VPS13C: variants seen among roughly 807,000 people sequenced by gnomAD.
VPS13C encodes the protein intermembrane lipid transfer protein VPS13C.
In VPS13C, 358 loss-of-function variants were observed where a neutral mutation model predicts 456.8. The ratio of observed to expected loss-of-function variants is 0.78; its 90% CI spans 0.72 to 0.86. The LOEUF (loss-of-function observed/expected upper bound fraction) is 0.86, where lower values mean the gene tolerates loss of function less well. VPS13C is among the 40% of genes least tolerant of loss of function. The pLI is 0.00. For missense variants in VPS13C, 4,818 were observed against 4,385.4 expected (o/e 1.10, Z -2.79); for synonymous variants, 1,578 against 1,486.7 (o/e 1.06, Z -1.41).
chr15:61,893,423 A>G (rs928383889), intron 66 of VPS13C, among the ~76,000 whole-genome samples: 2 of 152,160 alleles, frequency 1.3e-5, no homozygotes, highest in Non-Finnish European at 2.9e-5. Context: ...TAAAGTTTTT[A>G]TCAGATGAAC....
chr15:61,928,893 T>C (rs770073325), intron 51 of VPS13C, among the ~76,000 whole-genome samples: 1 of 146,984 alleles, frequency 6.8e-6, no homozygotes, highest in African/African-American at 2.5e-5. Flanking sequence ...CGAAAAAAAT[T>C]TTAAAAAAAA....
At chr15:62,002,192 C>T (rs1049398594) in intron 15 of VPS13C, among the ~76,000 whole-genome samples, 4 of 152,160 alleles carry the variant, frequency 2.6e-5, no homozygotes, top group African/African-American at 9.7e-5. Flanking sequence ...TGTTTCCTGA[C>T]GTTTTAATGA....
At chr15:62,035,925 CA>C (rs2047982436) in intron 3 of VPS13C, among the ~76,000 whole-genome samples, 1 of 151,902 alleles carries the variant, frequency 6.6e-6, no homozygotes, top group African/African-American at 2.4e-5. Flanking sequence ...AAGAGAAGAC[CA>C]AAAGGGCATG....
chr15:62,053,913 T>C (rs919803035), intron 1 of VPS13C, among the ~76,000 whole-genome samples: 7 of 152,196 alleles, frequency 4.6e-5, no homozygotes, highest in African/African-American at 1.7e-4. Flanking sequence ...TTGGCTTCTA[T>C]TCCTGGTCAC....
chr15:61,901,925 T>C (rs1439906379), intron 66 of VPS13C, among the ~76,000 whole-genome samples: 1 of 152,048 alleles, frequency 6.6e-6, no homozygotes, highest in Admixed American at 6.5e-5. Context: ...TGAAATACTA[T>C]GCAGCCATAA....
intron 46 of VPS13C, 134 bp from the exon 47 acceptor site, chr15:61,940,928 C>T: frequency 3.5e-6 from 3 of 866,998 alleles, no homozygotes; most frequent in Non-Finnish European, 5.0e-6. Context: ...TTAGAATACA[C>T]TTCTTTTCAC....
chr15:61,997,985 T>C (rs1001958254), intron 16 of VPS13C, among the ~76,000 whole-genome samples: 2 of 152,164 alleles, frequency 1.3e-5, no homozygotes, highest in African/African-American at 2.4e-5. Context: ...GCTTGTAAGA[T>C]GCTACACAAT....
intron 13 of VPS13C, 89 bp downstream of exon 13, chr15:62,010,383 C>T: frequency 1.5e-6 from 2 of 1,327,724 alleles, no homozygotes; most frequent in South Asian, 5.0e-5. Flanking sequence ...CCCCAAAAAA[C>T]CACCAACCAC....
intron 8 of VPS13C, among the ~76,000 whole-genome samples, chr15:62,022,794 T>G (rs1336172971): frequency 6.6e-6 from 1 of 151,996 alleles, no homozygotes. Context: ...CTTACATGTT[T>G]CAAACTTTTA....
Position 61,867,434 on chromosome 15 carries a change from T to TTAA in VPS13C, c.10863+1224_10863+1225insTTA, listed in dbSNP as rs932964846. The TTAA allele has an allele frequency of 6.2e-5, 61 of 986,536 alleles. No homozygotes were observed. Among genetic ancestry groups the TTAA allele is most frequent in the African/African-American group, 1.2e-4 (7 of 57,334 alleles). The allele number at this position is 986,536 out of a possible 1,614,324, so 61.1% of individuals were successfully genotyped here. On this transcript the variant is annotated intron_variant, in intron 81 of 84. Coordinates refer to ENST00000644861, the MANE Select transcript of VPS13C (RefSeq NM_020821.3). The surrounding 1 kb of genome is among the most constrained non-coding windows in gnomAD (Gnocchi z 5.0). ...GGCTCAGAGCAACTGACAATTCAAT[T>TTAA]ATTAAAGCAGATGCTCCAGGTAATA...
At chr15:61,868,903 G>A (rs1366959494) in intron 80 of VPS13C, 130 bp from the exon 81 acceptor site, 11 of 754,428 alleles carry the variant, frequency 1.5e-5, no homozygotes, top group African/African-American at 5.4e-5. Context: ...CCCAAATAAT[G>A]CAAAAGTATT....
chr15:61,932,389 T>C lies in VPS13C; in HGVS notation c.5869-1130A>G, dbSNP rs117437945. On this transcript the variant is annotated intron_variant, in intron 49 of 84. Transcript: ENST00000644861. ...GATTAAAGAATGGTAGGGAAAAAAC[T>C]AGAAAGAAATACAGAGGCCTAATCG... 7.3e-3 allele frequency among the ~76,000 whole-genome samples: 1,113 copies of C among 152,202 alleles called. 29 individuals carry two copies. Among genetic ancestry groups the C allele is most frequent in the East Asian group, 0.07 (363 of 5,182 alleles).
chr15:61,928,993 T>G (rs1217559624), intron 51 of VPS13C, among the ~76,000 whole-genome samples: 1 of 152,024 alleles, frequency 6.6e-6, no homozygotes, highest in Non-Finnish European at 1.5e-5. Context: ...TACTGGATAA[T>G]GCTGGAATAA....
At position 61,917,352 on chromosome 15, in the gene VPS13C, A is replaced by G; in HGVS notation, c.8044T>C (p.Tyr2682His). 1 of 1,613,164 alleles carries G rather than the reference A, an allele frequency of 6.2e-7. No individual in the cohort carries two copies. The highest frequency in any genetic ancestry group is 8.5e-7 in the Non-Finnish European group (1 of 1,179,210). ...TGCAAGAGACATACCTCAAGTAAAT[A>G]TCTTAGGGAATATGGGAGAAGATTC... ...LRNLLPYSLR[Y>H]LLEGTAETHE... Residue 2682 changes from tyrosine to histidine, a missense_variant, in exon 60 of 85, where the codon TAT becomes CAT. Coordinates refer to ENST00000644861, the MANE Select transcript of VPS13C (RefSeq NM_020821.3).
Position 61,959,486 on chromosome 15 carries a change from G to A in VPS13C, c.4018C>T (p.Pro1340Ser). The change falls in exon 36 of 85, where the codon CCT (proline) becomes TCT (serine). Residue 1340 changes from proline to serine, a missense_variant. Physicochemically the swap from Pro to Ser is moderately conservative, Grantham distance 74. This residue lies in a region of VPS13C where 4,552 missense variants were observed against 4,130.6 expected (regional missense o/e 1.10). Transcript: ENST00000644861. ...NLAASWYHKV[P>S]VVEIKGHLDS... ...AGATGTCCTTTAATTTCCACAACAG[G>A]CACCTTGTGGTACCAAGATGCAGCT... The A allele has an allele frequency of 6.2e-7, 1 of 1,611,950 alleles. No individual in the cohort carries two copies. The highest frequency in any genetic ancestry group is 1.1e-5 in the South Asian group (1 of 90,844).
intron 23 of VPS13C, among the ~76,000 whole-genome samples, chr15:61,978,395 A>G (rs143716429): frequency 6.6e-6 from 1 of 152,208 alleles, no homozygotes; most frequent in Non-Finnish European, 1.5e-5. Context: ...GAATAGGCTT[A>G]GATTGAAATG....
rs1204024918 is a variant in VPS13C, at chr15:61,962,464, C to G, written c.3510G>C (p.Leu1170Phe). ...CATCCACTTTGGACATGTCAGTATA[C>G]AAATCCCCCTCAGTAGCATCTGGAT... ...DLYPDATEGDLYTDMSKVDGV... is the reference protein window; with the variant it reads ...DLYPDATEGDFYTDMSKVDGV... The change falls in exon 34 of 85, where the codon TTG becomes TTC. Residue 1170 changes from leucine (L) to phenylalanine (F), a missense_variant. Leu to Phe is a conservative substitution (Grantham distance 22). This residue lies in a region of VPS13C where 4,552 missense variants were observed against 4,130.6 expected (regional missense o/e 1.10). Coordinates refer to ENST00000644861, the MANE Select transcript of VPS13C (RefSeq NM_020821.3). 1 of 1,611,950 alleles carries G rather than the reference C, an allele frequency of 6.2e-7. No homozygotes were observed. The highest frequency in any genetic ancestry group is 8.5e-7 in the Non-Finnish European group (1 of 1,178,798).
At position 61,916,030 on chromosome 15, in the gene VPS13C, CA is replaced by C. The variant is rs2043462207; in HGVS notation, c.8056-9del. 6.5e-7 allele frequency: 1 copy of C among 1,541,154 alleles called. No homozygotes were observed. The highest frequency in any genetic ancestry group is 8.7e-7 in the Non-Finnish European group (1 of 1,145,570). On this transcript the variant is annotated splice_polypyrimidine_tract_variant and intron_variant, in intron 60 of 84. Coordinates refer to ENST00000644861, the MANE Select transcript of VPS13C (RefSeq NM_020821.3). ...ATGAGTTTCTGCTGTTCCCTAAAAACAAACAAAAATTCGCTGAGTAACTTTT... is the reference window on the plus strand; with the variant it reads ...ATGAGTTTCTGCTGTTCCCTAAAAACAACAAAAATTCGCTGAGTAACTTTT...
At chr15:61,993,079 AATC>A (rs913827750) in intron 16 of VPS13C, among the ~76,000 whole-genome samples, 21 of 152,128 alleles carry the variant, frequency 1.4e-4, no homozygotes, top group Admixed American at 7.2e-4. Context: ...CACTTTTAAG[AATC>A]TTCTATGAAT....
Sources: allele counts gnomAD v4.1 joint callset (sites outside exome capture counted in the v4.1 genomes callset), GRCh38; gene constraint gnomAD v4.1.1; regional missense constraint gnomAD v4.1.1; non-coding constraint Gnocchi (gnomAD v3.1); transcripts MANE v1.5; gene names NCBI Gene and HGNC (gene_info 2026-07-23, HGNC 2026-07-21).